Variants in HCN1 observed in about 807,000 individuals in gnomAD.
The protein encoded by HCN1 is potassium/sodium hyperpolarization-activated cyclic nucleotide-gated channel 1.
In HCN1, 13 loss-of-function variants were observed where a neutral mutation model predicts 78.9. The observed-to-expected ratio is 0.16, with a 90% CI of 0.11 to 0.26. The LOEUF is 0.26. Among genes scored for constraint, HCN1 ranks in the 10% least tolerant of loss-of-function variants. The pLI, the probability that HCN1 is intolerant of heterozygous loss-of-function variation, is 1.00. For missense variants in HCN1, 810 were observed against 1,154.3 expected (o/e 0.70, Z 4.32); for synonymous variants, 552 against 455.5 (o/e 1.21, Z -2.70).
intron 4 of HCN1, among the ~76,000 whole-genome samples, chr5:45,366,238 T>C: frequency 6.6e-6 from 1 of 151,322 alleles, no homozygotes; most frequent in Non-Finnish European, 1.5e-5. Flanking sequence ...TGTGTGGTAA[T>C]TCTTCAATAA....
chr5:45,320,669 T>A (rs541728348), intron 5 of HCN1, among the ~76,000 whole-genome samples: 1 of 151,924 alleles, frequency 6.6e-6, no homozygotes, highest in East Asian at 1.9e-4. Context: ...TGCACAAATC[T>A]AGAATCACCA....
At chr5:45,334,110 G>T (rs1224238613) in intron 5 of HCN1, among the ~76,000 whole-genome samples, 1 of 151,560 alleles carries the variant, frequency 6.6e-6, no homozygotes, top group East Asian at 1.9e-4. Flanking sequence ...TAGAAATAAG[G>T]CATGGTTTAT....
At chr5:45,286,954 T>C (rs1018830740) in intron 6 of HCN1, among the ~76,000 whole-genome samples, 2 of 151,986 alleles carry the variant, frequency 1.3e-5, no homozygotes. Flanking sequence ...ATTCTTCCCA[T>C]GTAAGTAAAT....
At chr5:45,405,854 T>G (rs1739908063) in intron 3 of HCN1, among the ~76,000 whole-genome samples, 1 of 152,056 alleles carries the variant, frequency 6.6e-6, no homozygotes, top group Admixed American at 6.6e-5. Context: ...CCATGAAGAG[T>G]GATGTCTGAT....
At chr5:45,395,471 C>A (rs1255037945) in intron 4 of HCN1, among the ~76,000 whole-genome samples, 2 of 152,108 alleles carry the variant, frequency 1.3e-5, no homozygotes, top group Non-Finnish European at 2.9e-5. Flanking sequence ...ACTGTAATAG[C>A]TAGTGGCAGT....
At chr5:45,505,510 T>C (rs1401055662) in intron 2 of HCN1, among the ~76,000 whole-genome samples, 2 of 152,166 alleles carry the variant, frequency 1.3e-5, no homozygotes, top group Non-Finnish European at 2.9e-5. Context: ...TGTAGCCTTG[T>C]AGTATAGTTT....
intron 2 of HCN1, among the ~76,000 whole-genome samples, chr5:45,604,143 T>C (rs889155158): frequency 1.3e-5 from 2 of 152,084 alleles, no homozygotes; most frequent in Non-Finnish European, 2.9e-5. Flanking sequence ...GAATGACAAG[T>C]AGAAATAACC....
chr5:45,396,410 G>C (rs1428618139), intron 4 of HCN1, 82 bp downstream of exon 4: 1 of 985,908 alleles, frequency 1.0e-6, no homozygotes, highest in Admixed American at 2.0e-5. Flanking sequence ...TAGAGGAGAT[G>C]GTGTAGTTAT....
At chr5:45,595,742 T>TA (rs753982256) in intron 2 of HCN1, among the ~76,000 whole-genome samples, 15 of 151,170 alleles carry the variant, frequency 9.9e-5, no homozygotes, top group East Asian at 1.9e-4. Flanking sequence ...ATGAAACAAT[T>TA]AAAAAAAAAC....
intron 3 of HCN1, among the ~76,000 whole-genome samples, chr5:45,447,170 A>G (rs972256085): frequency 2.0e-5 from 3 of 152,202 alleles, no homozygotes; most frequent in Non-Finnish European, 4.4e-5. Flanking sequence ...ACATATGCTC[A>G]AAATAAAAGG....
intron 2 of HCN1, among the ~76,000 whole-genome samples, chr5:45,580,107 G>C (rs572075637): frequency 6.6e-6 from 1 of 152,144 alleles, no homozygotes; most frequent in African/African-American, 2.4e-5. Context: ...TGCCCTGAAA[G>C]GTTCCTATGT....
intron 2 of HCN1, among the ~76,000 whole-genome samples, chr5:45,633,601 A>G (rs1479715435): frequency 6.6e-6 from 1 of 152,004 alleles, no homozygotes; most frequent in South Asian, 2.1e-4. Flanking sequence ...ACAAAAATAC[A>G]AATTTTCTTT....
chr5:45,402,262 G>A (rs144467776), intron 3 of HCN1, among the ~76,000 whole-genome samples: 1 of 152,116 alleles, frequency 6.6e-6, no homozygotes, highest in South Asian at 2.1e-4. Context: ...AGCAGAGAAT[G>A]ATATGATCTA....
At chr5:45,295,785 T>C (rs143236791) in intron 6 of HCN1, among the ~76,000 whole-genome samples, 10 of 152,162 alleles carry the variant, frequency 6.6e-5, no homozygotes. Flanking sequence ...TGCTTAACAA[T>C]ACTATGAACT....
chr5:45,542,678 C>T (rs977072970), intron 2 of HCN1, among the ~76,000 whole-genome samples: 5 of 152,088 alleles, frequency 3.3e-5, no homozygotes, highest in South Asian at 2.1e-4. Flanking sequence ...AATTCACCCA[C>T]GAGGACTGAC....
chr5:45,336,623 G>A (rs570743291), intron 5 of HCN1, among the ~76,000 whole-genome samples: 9 of 152,122 alleles, frequency 5.9e-5, no homozygotes, highest in African/African-American at 1.4e-4. Flanking sequence ...AGGTAGAACC[G>A]GTGTAGCAAT....
Position 45,364,565 on chromosome 5 carries a change from C to T in HCN1, c.1231-11319G>A, listed in dbSNP as rs375457634. 6.6e-5 allele frequency among the ~76,000 whole-genome samples: 10 copies of T among 152,160 alleles called. No homozygotes were observed. The East Asian group carries it at 1.9e-3, about 29-fold the overall frequency. On this transcript the variant is annotated intron_variant, in intron 4 of 7. Transcript: ENST00000303230. Reference sequence around the variant, plus strand: ...AAAATTGAAATTGTCTTCCTTTTTCCTGCATGTCTTCTCTATCCAACCTGC... The same window carrying T: ...AAAATTGAAATTGTCTTCCTTTTTCTTGCATGTCTTCTCTATCCAACCTGC...
At position 45,462,012 on chromosome 5, in the gene HCN1, T is replaced by G; in HGVS notation, c.850-5A>C. The G allele has an allele frequency of 6.8e-6, 11 of 1,611,282 alleles. No individual in the cohort carries two copies. The highest frequency in any genetic ancestry group is 9.3e-6 in the Non-Finnish European group (11 of 1,178,130). ...ATCATATGTCATGTGGAATATCTGT[T>G]GACCAAAATATAAAATCAATTCTTA... On this transcript the variant is annotated splice_polypyrimidine_tract_variant and splice_region_variant and intron_variant, in intron 2 of 7. Transcript: ENST00000303230.
chr5:45,292,349 T>C (rs1288118913), intron 6 of HCN1, among the ~76,000 whole-genome samples: 3 of 152,042 alleles, frequency 2.0e-5, no homozygotes, highest in African/African-American at 7.2e-5. Flanking sequence ...TCAGTCACAC[T>C]AGCCACATTT....
Sources: allele counts gnomAD v4.1 joint callset (sites outside exome capture counted in the v4.1 genomes callset), GRCh38; gene constraint gnomAD v4.1.1; transcripts MANE v1.5; gene names NCBI Gene and HGNC (gene_info 2026-07-23, HGNC 2026-07-21).